MACROD2: variants seen among roughly 807,000 people sequenced by gnomAD.
The protein encoded by MACROD2 is ADP-ribose glycohydrolase MACROD2.
A neutral mutation model predicts 70.4 loss-of-function variants in MACROD2; 36 were observed. The ratio of observed to expected loss-of-function variants is 0.51; its 90% CI spans 0.39 to 0.68. The LOEUF (loss-of-function observed/expected upper bound fraction) is 0.68. MACROD2 is among the 30% of genes least tolerant of loss of function. The pLI is 0.00. For missense variants in MACROD2, 496 were observed against 538.4 expected (o/e 0.92, Z 0.78); for synonymous variants, 172 against 178.8 (o/e 0.96, Z 0.30).
intron 3 of MACROD2, among the ~76,000 whole-genome samples, chr20:14,453,010 G>T (rs1403658548): frequency 6.6e-6 from 1 of 152,014 alleles, no homozygotes; most frequent in Non-Finnish European, 1.5e-5. Flanking sequence ...ACCTTATCTA[G>T]GTCCTTAGGA....
At chr20:15,027,645 C>A (rs964289628) in intron 5 of MACROD2, among the ~76,000 whole-genome samples, 1 of 149,948 alleles carries the variant, frequency 6.7e-6, no homozygotes, top group African/African-American at 2.5e-5. Flanking sequence ...GAGGCCAAGC[C>A]GGGAGGATTG....
intron 3 of MACROD2, among the ~76,000 whole-genome samples, chr20:14,370,650 T>C (rs956098676): frequency 2.6e-5 from 4 of 152,190 alleles, no homozygotes; most frequent in African/African-American, 9.7e-5. Flanking sequence ...TAGCCTGTTT[T>C]AAGGATAGAG....
At chr20:15,947,007 T>C (rs2065832899) in intron 12 of MACROD2, among the ~76,000 whole-genome samples, 2 of 152,166 alleles carry the variant, frequency 1.3e-5, no homozygotes, top group African/African-American at 2.4e-5. Context: ...AGATTTATGC[T>C]TTTCTCTACC....
chr20:15,016,903 C>T (rs937843543), intron 5 of MACROD2, among the ~76,000 whole-genome samples: 1 of 152,154 alleles, frequency 6.6e-6, no homozygotes, highest in South Asian at 2.1e-4. Flanking sequence ...TTATCTCCTC[C>T]TGGGTCCCTC....
chr20:14,416,954 T>C (rs1390898655), intron 3 of MACROD2, among the ~76,000 whole-genome samples: 4 of 152,170 alleles, frequency 2.6e-5, no homozygotes, highest in Admixed American at 2.6e-4. Context: ...TTAGTTTGGC[T>C]TCAAAAACTT....
At chr20:14,445,200 G>A (rs1442893460) in intron 3 of MACROD2, among the ~76,000 whole-genome samples, 6 of 151,960 alleles carry the variant, frequency 3.9e-5, no homozygotes, top group African/African-American at 9.7e-5. Flanking sequence ...CAGCCACAGC[G>A]GTCTTTCTAT....
At chr20:14,267,061 G>C (rs1348094353) in intron 3 of MACROD2, among the ~76,000 whole-genome samples, 2 of 152,122 alleles carry the variant, frequency 1.3e-5, no homozygotes, top group East Asian at 3.8e-4. Context: ...ATTAATGGTA[G>C]TGTCAGGTCT....
chr20:14,124,064 T>C (rs1176326332), intron 3 of MACROD2, among the ~76,000 whole-genome samples: 2 of 152,206 alleles, frequency 1.3e-5, no homozygotes, highest in Non-Finnish European at 2.9e-5. Context: ...CTATGTTTTC[T>C]TTGCTCCAAA....
chr20:15,861,713 A>G (rs1361951206), intron 8 of MACROD2, among the ~76,000 whole-genome samples: 1 of 152,074 alleles, frequency 6.6e-6, no homozygotes, highest in Admixed American at 6.6e-5. Flanking sequence ...GCCCCTGTAG[A>G]TCTCCTTTTC....
At chr20:15,241,703 G>C (rs1387600712) in intron 6 of MACROD2, among the ~76,000 whole-genome samples, 2 of 146,238 alleles carry the variant, frequency 1.4e-5, no homozygotes, top group Middle Eastern at 3.8e-3. Context: ...TCCAGAAACA[G>C]CTTCTCAAGC....
At chr20:15,137,664 C>A (rs903755424) in intron 5 of MACROD2, among the ~76,000 whole-genome samples, 1 of 151,200 alleles carries the variant, frequency 6.6e-6, no homozygotes. Context: ...ACATATGTAA[C>A]TAACCTGCAC....
At chr20:14,676,889 C>G (rs1396067535) in intron 4 of MACROD2, among the ~76,000 whole-genome samples, 1 of 152,130 alleles carries the variant, frequency 6.6e-6, no homozygotes, top group Non-Finnish European at 1.5e-5. Context: ...GGGGATATCA[C>G]CACTGATCCC....
At chr20:14,637,184 G>A (rs1984831185) in intron 4 of MACROD2, among the ~76,000 whole-genome samples, 1 of 152,148 alleles carries the variant, frequency 6.6e-6, no homozygotes, top group Non-Finnish European at 1.5e-5. Context: ...CACTTTTGCA[G>A]CTGCCGTTCT....
chr20:14,412,492 G>A (rs577444975), intron 3 of MACROD2, among the ~76,000 whole-genome samples: 4 of 152,088 alleles, frequency 2.6e-5, no homozygotes, highest in Non-Finnish European at 2.9e-5. Flanking sequence ...AGTTACAGAC[G>A]TTAGGTGACA....
intron 6 of MACROD2, among the ~76,000 whole-genome samples, chr20:15,353,637 G>T (rs981171041): frequency 6.6e-6 from 1 of 151,044 alleles, no homozygotes; most frequent in African/African-American, 2.4e-5. Flanking sequence ...AATCTACAAT[G>T]AACTCAAACA....
chr20:15,891,501 A>T (rs942802737), intron 10 of MACROD2, among the ~76,000 whole-genome samples: 8 of 152,196 alleles, frequency 5.3e-5, no homozygotes, highest in Non-Finnish European at 1.0e-4. Flanking sequence ...TGTAGAGAGT[A>T]AAGAGTAGAA....
intron 6 of MACROD2, among the ~76,000 whole-genome samples, chr20:15,230,521 A>G (rs1037924985): frequency 6.6e-6 from 1 of 152,176 alleles, no homozygotes; most frequent in Admixed American, 6.5e-5. Context: ...AGTGTCAGAC[A>G]TGATTTATCT....
At chr20:14,054,794 C>A (rs891105952) in intron 2 of MACROD2, among the ~76,000 whole-genome samples, 1 of 152,028 alleles carries the variant, frequency 6.6e-6, no homozygotes, top group Non-Finnish European at 1.5e-5. Context: ...TCAATGGGGC[C>A]AGAAAACTCT....
chr20:15,383,993 C>T (rs887216517), intron 6 of MACROD2, among the ~76,000 whole-genome samples: 1 of 151,980 alleles, frequency 6.6e-6, no homozygotes, highest in Non-Finnish European at 1.5e-5. Flanking sequence ...TGTACTTCTA[C>T]TTTGTCAAAA....
Sources: gnomAD v4.1 joint callset for allele counts (sites outside exome capture counted in the v4.1 genomes callset) on GRCh38, gnomAD v4.1.1 for gene constraint, MANE v1.5 for transcripts, NCBI Gene and HGNC (gene_info 2026-07-23, HGNC 2026-07-21) for gene names.